Variants in MAF observed in about 807,000 individuals in gnomAD.
The protein encoded by MAF is transcription factor Maf.
A neutral mutation model predicts 22.0 loss-of-function variants in MAF; 10 were observed. The observed-to-expected ratio is 0.45, with a 90% CI of 0.28 to 0.77. MAF has a LOEUF of 0.77. Ranked by LOEUF, MAF falls within the 30% of genes least tolerant of loss-of-function variation. MAF has a pLI of 0.12. For missense variants in MAF, 544 were observed against 548.4 expected (o/e 0.99, Z 0.08); for synonymous variants, 337 against 255.8 (o/e 1.32, Z -3.03).
chr16:79,557,244 T>C, the MAF span, among the ~76,000 whole-genome samples: 1 of 152,018 alleles, frequency 6.6e-6, no homozygotes, highest in African/African-American at 2.4e-5. Context: ...AGAAAGACTT[T>C]CTTGCCAAGG....
At chr16:79,405,300 G>A in the MAF span, among the ~76,000 whole-genome samples, 1 of 152,148 alleles carries the variant, frequency 6.6e-6, no homozygotes, top group Non-Finnish European at 1.5e-5. Flanking sequence ...CCTACATGGG[G>A]ACATCACTTC....
the MAF span, among the ~76,000 whole-genome samples, chr16:79,273,895 T>TGCCATAGC: frequency 4.6e-5 from 7 of 151,926 alleles, no homozygotes; most frequent in Admixed American, 6.6e-5. Flanking sequence ...GTATTCTGTC[T>TGCCATAGC]GCCATAGCTG....
the MAF span, among the ~76,000 whole-genome samples, chr16:79,488,205 C>G: frequency 6.6e-6 from 1 of 152,134 alleles, no homozygotes; most frequent in African/African-American, 2.4e-5. Flanking sequence ...TTGTGCCAGC[C>G]AGCCAGGGTA....
At chr16:79,567,527 T>A in the MAF span, among the ~76,000 whole-genome samples, 102 of 152,300 alleles carry the variant, frequency 6.7e-4, no homozygotes, top group African/African-American at 2.3e-3. Context: ...GTAAAAAAAA[T>A]GACCAATGAT....
the MAF span, among the ~76,000 whole-genome samples, chr16:79,438,452 T>A: frequency 6.6e-6 from 1 of 152,116 alleles, no homozygotes; most frequent in Non-Finnish European, 1.5e-5. Context: ...GCCAAGGAGA[T>A]AACAGCCTGG....
In MAF at chr16:79,600,453, C is replaced by A; in HGVS notation, c.-551G>T. The A allele has an allele frequency of 5.1e-6, 1 of 196,368 alleles. No individual in the cohort carries two copies. Among genetic ancestry groups the A allele is most frequent in the South Asian group, 2.0e-4 (1 of 5,030 alleles). 12.2% of individuals were successfully genotyped at this position (196,368 alleles called of 1,614,324 possible). On this transcript the variant is annotated 5_prime_UTR_variant, in exon 1 of 2. Coordinates refer to ENST00000326043, the MANE Select transcript of MAF (RefSeq NM_005360.5). ...GGGGGAGTTAACACTTCATGCTTCT[C>A]GCCTCCTCTTCTGCTTGGCTCTCTT...
At chr16:79,552,360 C>T in the MAF span, among the ~76,000 whole-genome samples, 1 of 152,054 alleles carries the variant, frequency 6.6e-6, no homozygotes, top group Non-Finnish European at 1.5e-5. Flanking sequence ...GTGTGCACCA[C>T]CACATCCAGC....
the MAF span, among the ~76,000 whole-genome samples, chr16:79,243,858 G>T: frequency 6.3e-4 from 96 of 151,864 alleles, 2 homozygotes; most frequent in Non-Finnish European, 1.1e-3. Context: ...CATCAAAAAG[G>T]TTGCCAACCA....
the MAF span, among the ~76,000 whole-genome samples, chr16:79,275,775 T>C: frequency 3.3e-5 from 5 of 152,288 alleles, no homozygotes; most frequent in South Asian, 1.0e-3. Context: ...AGGAGAACCA[T>C]AGTGAAGTAT....
chr16:79,507,396 G>T, the MAF span, among the ~76,000 whole-genome samples: 12 of 151,568 alleles, frequency 7.9e-5, 1 homozygote, highest in South Asian at 4.2e-4. Flanking sequence ...GATTACAGGC[G>T]TGAGCCACCA....
the MAF span, among the ~76,000 whole-genome samples, chr16:79,358,443 T>C: frequency 3.9e-5 from 6 of 152,136 alleles, no homozygotes; most frequent in African/African-American, 1.4e-4. Context: ...ATGACGTTCA[T>C]TTGGGAGAAG....
At chr16:79,371,181 T>G in the MAF span, among the ~76,000 whole-genome samples, 2 of 152,182 alleles carry the variant, frequency 1.3e-5, no homozygotes, top group African/African-American at 2.4e-5. Flanking sequence ...TGGGCCCTGA[T>G]GGAATTGTTG....
chr16:79,453,948 T>A, the MAF span, among the ~76,000 whole-genome samples: 3 of 152,182 alleles, frequency 2.0e-5, no homozygotes, highest in East Asian at 5.8e-4. Context: ...AATTAGTTTA[T>A]TGGATTATTA....
chr16:79,418,778 A>G, the MAF span, among the ~76,000 whole-genome samples: 1 of 152,072 alleles, frequency 6.6e-6, no homozygotes, highest in Admixed American at 6.5e-5. Context: ...ATGATAAGCA[A>G]TTTTTCATTA....
At chr16:79,389,432 A>G in the MAF span, among the ~76,000 whole-genome samples, 1 of 151,846 alleles carries the variant, frequency 6.6e-6, no homozygotes, top group Non-Finnish European at 1.5e-5. Flanking sequence ...AATGTTTTGT[A>G]TTTTTAGTAG....
chr16:79,384,468 A>AAG, the MAF span, among the ~76,000 whole-genome samples: 5 of 150,112 alleles, frequency 3.3e-5, no homozygotes, highest in African/African-American at 9.8e-5. Flanking sequence ...AAAAAAAAAA[A>AAG]AGGGAGCGGC....
chr16:79,547,203 A>T, the MAF span, among the ~76,000 whole-genome samples: 2 of 151,918 alleles, frequency 1.3e-5, no homozygotes, highest in South Asian at 2.1e-4. Context: ...ACATCCCTCC[A>T]TGCACACCCC....
chr16:79,433,886 C>T, the MAF span, among the ~76,000 whole-genome samples: 1 of 152,292 alleles, frequency 6.6e-6, no homozygotes, highest in East Asian at 1.9e-4. Context: ...CCTCGCACTC[C>T]TACATAGCAA....
chr16:79,340,808 C>T, the MAF span, among the ~76,000 whole-genome samples: 1 of 152,068 alleles, frequency 6.6e-6, no homozygotes, highest in Non-Finnish European at 1.5e-5. Context: ...GCTAGATGTC[C>T]CCTGGGAAGC....
Sources: gnomAD v4.1 joint callset for allele counts (sites outside exome capture counted in the v4.1 genomes callset) on GRCh38, gnomAD v4.1.1 for gene constraint, MANE v1.5 for transcripts, NCBI Gene and HGNC (gene_info 2026-07-23, HGNC 2026-07-21) for gene names.